The following CCT7 variants were observed in gnomAD, a reference collection of about 807,000 sequenced individuals.
CCT7 encodes chaperonin containing TCP1 subunit 7.
In CCT7, 16 loss-of-function variants were observed where a neutral mutation model predicts 56.6. The ratio of observed to expected loss-of-function variants is 0.28; its 90% CI spans 0.19 to 0.43. The LOEUF (loss-of-function observed/expected upper bound fraction) is 0.43. CCT7 is among the 20% of genes least tolerant of loss of function. CCT7 has a pLI of 1.00. For missense variants in CCT7, 519 were observed against 685.6 expected, an observed-to-expected ratio of 0.76 and a Z score of 2.71; for synonymous variants, 262 against 254.8, an observed-to-expected ratio of 1.03 and a Z score of -0.27.
At chr2:73,251,860 A>C (rs920255215) in intron 11 of CCT7, among the ~76,000 whole-genome samples, 3 of 151,374 alleles carry the variant, frequency 2.0e-5, no homozygotes, top group African/African-American at 7.3e-5. Context: ...AATTGCTTGA[A>C]CCCAGGAGGC....
chr2:73,251,838 C>T (rs1396964291), intron 11 of CCT7, among the ~76,000 whole-genome samples: 1 of 152,056 alleles, frequency 6.6e-6, no homozygotes, highest in Non-Finnish European at 1.5e-5. Context: ...ACTCAGGAGG[C>T]TGAGGCAGGA....
At chr2:73,242,880 G>T in intron 3 of CCT7, 124 bp from the exon 4 acceptor site, 1 of 1,200,074 alleles carries the variant, frequency 8.3e-7, no homozygotes, top group Non-Finnish European at 1.2e-6. Flanking sequence ...TGTGCTTCCA[G>T]AAAAAAGCTT....
chr2:73,239,786 A>G lies in CCT7; in HGVS notation c.150A>G (p.Val50=), dbSNP rs780427054. ...LGPRGMDKLI[V]DGRGKATISN... is the part of the protein sequence containing the mutation. ...CCCGTGGCATGGACAAGCTTATTGT[A>G]GATGGCAGAGGTAAGTCTACAGAGT... Residue 50 remains valine, a synonymous_variant, in exon 2 of 12, where the codon GTA becomes GTG. Transcript: ENST00000258091. 19 of 1,613,970 alleles carry G rather than the reference A, an allele frequency of 1.2e-5. No individual in the cohort carries two copies. The Admixed American group carries it at 3.0e-4, about 25-fold the overall frequency.
intron 10 of CCT7, 30 bp downstream of exon 10, chr2:73,250,468 A>C: frequency 1.2e-6 from 2 of 1,612,178 alleles, no homozygotes; most frequent in Non-Finnish European, 1.7e-6. Flanking sequence ...CTGCTTGCAC[A>C]GCCTACTCTC....
chr2:73,246,143 A>T (rs1395715231), intron 6 of CCT7, among the ~76,000 whole-genome samples: 1 of 152,170 alleles, frequency 6.6e-6, no homozygotes, highest in Non-Finnish European at 1.5e-5. Context: ...GAATTCAATA[A>T]ATAGTGGTAG....
intron 1 of CCT7, chr2:73,239,294 C>T (rs899489534): frequency 4.8e-5 from 9 of 186,278 alleles, no homozygotes; most frequent in Admixed American, 1.2e-4. Context: ...GCCTCTTCCT[C>T]CTGTGTTGTG....
At chr2:73,240,650 C>T in intron 3 of CCT7, 107 bp downstream of exon 3, 1 of 529,352 alleles carries the variant, frequency 1.9e-6, no homozygotes. Context: ...TATAATTGTA[C>T]AAGTAATACA....
Position 73,247,771 on chromosome 2 carries a change from C to T in CCT7, c.628C>T (p.Leu210=), listed in dbSNP as rs1346846403. 3 of 1,613,718 alleles carry T rather than the reference C, an allele frequency of 1.9e-6. No homozygotes were observed. Among genetic ancestry groups the T allele is most frequent in the Admixed American group, 1.7e-5 (1 of 60,016 alleles). The change falls in exon 7 of 12, where the codon CTG becomes TTG. Residue 210 remains leucine (L), a synonymous_variant. Transcript: ENST00000258091. ...TGTTTTTTTAAAACAGGATTCTCAGCTGGTAGCTGGTGTTGCATTCAAGAA... is the reference window on the plus strand; with the variant it reads ...TGTTTTTTTAAAACAGGATTCTCAGTTGGTAGCTGGTGTTGCATTCAAGAA... The part of the protein sequence containing the change: ...VQGGALEDSQ[L]VAGVAFKKTF...
intron 4 of CCT7, among the ~76,000 whole-genome samples, chr2:73,243,383 A>G (rs544979624): frequency 2.8e-4 from 43 of 152,250 alleles, no homozygotes; most frequent in African/African-American, 9.4e-4. Context: ...GTAAGGACTA[A>G]GAGACTCATG....
Position 73,250,348 on chromosome 2 carries a change from C to T in CCT7, c.1113C>T (p.Thr371=), listed in dbSNP as rs1687523575. The change falls in exon 10 of 12, where the codon ACC becomes ACT. Residue 371 remains threonine (T), a synonymous_variant. Coordinates refer to ENST00000258091, the MANE Select transcript of CCT7 (RefSeq NM_006429.4). The stretch of plus-strand genomic sequence containing the variant: ...GCTGCCCCAAGGCCAAGACATGCAC[C>T]TTCATTCTCCGTGGCGGCGCCGAGC... ...FTGCPKAKTC[T]FILRGGAEQF... The T allele has an allele frequency of 1.2e-6, 2 of 1,614,072 alleles. No individual in the cohort carries two copies. Among genetic ancestry groups the T allele is most frequent in the Non-Finnish European group, 8.5e-7 (1 of 1,180,014 alleles).
intron 1 of CCT7, among the ~76,000 whole-genome samples, chr2:73,237,055 A>T (rs1037486723): frequency 6.6e-6 from 1 of 152,212 alleles, no homozygotes. Context: ...TGTGTGGCCA[A>T]ATCTTGGCAC....
At position 73,249,035 on chromosome 2, in the gene CCT7, C is replaced by A. The variant is rs751027757; in HGVS notation, c.828C>A (p.Asp276Glu). The change falls in exon 8 of 12, where the codon GAC (aspartate) becomes GAA (glutamate). Residue 276 changes from aspartate to glutamate, a missense_variant. Asp to Glu is a conservative substitution (Grantham distance 45, BLOSUM62 2). Coordinates refer to ENST00000258091, the MANE Select transcript of CCT7 (RefSeq NM_006429.4). ...ATGCTGAGTGGAACATTCTCTATGA[C>A]AAGTTAGAGAAGATCCATCATTCTG... ...IVDAEWNILY[D>E]KLEKIHHSGA... The A allele has an allele frequency of 6.2e-7, 1 of 1,613,842 alleles. No homozygotes were observed. The highest frequency in any genetic ancestry group is 8.5e-7 in the Non-Finnish European group (1 of 1,179,946).
chr2:73,235,295 T>G (rs1194881071), intron 1 of CCT7, among the ~76,000 whole-genome samples: 2 of 152,160 alleles, frequency 1.3e-5, no homozygotes, highest in Admixed American at 6.5e-5. Flanking sequence ...TGTTATTGAG[T>G]AGGGCCAGCT....
rs1409636623 is a variant in CCT7, at chr2:73,244,532, C to T, written c.447-12C>T. On this transcript the variant is annotated splice_polypyrimidine_tract_variant and intron_variant, in intron 5 of 11. Transcript: ENST00000258091. Reference sequence around the variant, plus strand: ...TTCAAGACCTGATGCAGATTCTGCCCTTGTGTCCCAGGGAGCAGAGGAAGC... The same window carrying T: ...TTCAAGACCTGATGCAGATTCTGCCTTTGTGTCCCAGGGAGCAGAGGAAGC... 2.5e-6 allele frequency: 4 copies of T among 1,601,262 alleles called. No homozygotes were observed. The African/African-American group carries it at 5.4e-5, about 21-fold the overall frequency.
chr2:73,239,526 T>A, intron 1 of CCT7, 117 bp from the exon 2 acceptor site: 1 of 918,172 alleles, frequency 1.1e-6, no homozygotes, highest in Non-Finnish European at 1.6e-6. Flanking sequence ...GGAATGTGGT[T>A]TAAGAAGACC....
At chr2:73,243,886 G>T in intron 4 of CCT7, 111 bp from the exon 5 acceptor site, 1 of 931,950 alleles carries the variant, frequency 1.1e-6, no homozygotes, top group South Asian at 1.4e-5. Context: ...CTGTAGAGTA[G>T]AAATGCTTAG....
At chr2:73,249,273 G>T in intron 8 of CCT7, 94 bp downstream of exon 8, 1 of 982,998 alleles carries the variant, frequency 1.0e-6, no homozygotes, top group Non-Finnish European at 1.5e-6. Flanking sequence ...TCAGGTTGGC[G>T]TGTGAATTGA....
At position 73,243,137 on chromosome 2, in the gene CCT7, A is replaced by G. The variant is rs1337595991; in HGVS notation, c.393+8A>G. The G allele has an allele frequency of 1.2e-6, 2 of 1,613,200 alleles. No homozygotes were observed. The highest frequency in any genetic ancestry group is 1.3e-5 in the African/African-American group (1 of 74,904). ...CGCACAGCCACCCAGCTGGTATGGC[A>G]GTACTGATTAACCTTCTCTTGGGCC... On this transcript the variant is annotated splice_region_variant and intron_variant, in intron 4 of 11. Coordinates refer to ENST00000258091, the MANE Select transcript of CCT7 (RefSeq NM_006429.4).
intron 2 of CCT7, 59 bp from the exon 3 acceptor site, chr2:73,240,378 T>C: frequency 7.8e-7 from 1 of 1,286,578 alleles, no homozygotes; most frequent in South Asian, 1.2e-5. Context: ...GGGTTCTAGG[T>C]CCCACTTGAA....
Sources: gnomAD v4.1 joint callset for allele counts (sites outside exome capture counted in the v4.1 genomes callset) on GRCh38, gnomAD v4.1.1 for gene constraint, MANE v1.5 for transcripts, NCBI Gene and HGNC (gene_info 2026-07-23, HGNC 2026-07-21) for gene names.